Variants in NTN1 observed in about 807,000 individuals in gnomAD.
NTN1 encodes the protein netrin-1.
NTN1 carries 11 observed loss-of-function variants against 54.2 expected under a neutral mutation model. The ratio of observed to expected loss-of-function variants is 0.20; its 90% confidence interval spans 0.13 to 0.34. The LOEUF is 0.34. Ranked by LOEUF, NTN1 falls within the 10% of genes least tolerant of loss-of-function variation. The pLI is 1.00. For missense variants in NTN1, 740 were observed against 893.1 expected (o/e 0.83, Z 2.18); for synonymous variants, 371 against 382.0 (o/e 0.97, Z 0.33).
At chr17:9,101,613 G>T (rs181369740) in intron 2 of NTN1, among the ~76,000 whole-genome samples, 111 of 152,312 alleles carry the variant, frequency 7.3e-4, no homozygotes, top group African/African-American at 2.5e-3. Flanking sequence ...GGTGAGTGGG[G>T]ATTTTAGCCT....
At chr17:9,233,639 C>G (rs141561943) in intron 6 of NTN1, among the ~76,000 whole-genome samples, 1 of 152,086 alleles carries the variant, frequency 6.6e-6, no homozygotes, top group African/African-American at 2.4e-5. Flanking sequence ...TGCTCCAAGT[C>G]CCCCTCTGGA....
intron 2 of NTN1, among the ~76,000 whole-genome samples, chr17:9,111,456 T>G (rs1363841000): frequency 6.6e-6 from 1 of 151,616 alleles, no homozygotes. Flanking sequence ...GTGAAGGGGG[T>G]GTCAAGGAAG....
intron 2 of NTN1, among the ~76,000 whole-genome samples, chr17:9,144,639 A>G (rs2092307940): frequency 6.6e-6 from 1 of 152,188 alleles, no homozygotes; most frequent in South Asian, 2.1e-4. Flanking sequence ...TGAATAGCAA[A>G]GTGGACAAGG....
At chr17:9,190,075 C>T (rs140772329) in intron 5 of NTN1, among the ~76,000 whole-genome samples, 126 of 152,308 alleles carry the variant, frequency 8.3e-4, no homozygotes, top group African/African-American at 2.7e-3. Flanking sequence ...AAACAATTAA[C>T]GTACAAAGGT....
At chr17:9,131,170 T>G (rs1244900041) in intron 2 of NTN1, among the ~76,000 whole-genome samples, 5 of 152,178 alleles carry the variant, frequency 3.3e-5, no homozygotes, top group Middle Eastern at 3.2e-3. Flanking sequence ...TTTAAGTTCT[T>G]TACCTTCATG....
At chr17:9,130,348 C>T (rs1233044022) in intron 2 of NTN1, among the ~76,000 whole-genome samples, 3 of 152,110 alleles carry the variant, frequency 2.0e-5, no homozygotes, top group African/African-American at 4.8e-5. Flanking sequence ...GCAGGAGTCC[C>T]GTGCCTTGCT....
the NTN1 span, among the ~76,000 whole-genome samples, chr17:9,013,216 CTTT>C: frequency 6.7e-5 from 8 of 118,712 alleles, no homozygotes; most frequent in East Asian, 2.4e-4. Flanking sequence ...TTTTCTTTTT[CTTT>C]TTTTTTTTTT....
intron 2 of NTN1, among the ~76,000 whole-genome samples, chr17:9,112,351 A>G (rs1395796226): frequency 6.6e-6 from 1 of 152,212 alleles, no homozygotes; most frequent in Non-Finnish European, 1.5e-5. Flanking sequence ...TGTAACCCCA[A>G]AATAAATACT....
intron 6 of NTN1, among the ~76,000 whole-genome samples, chr17:9,225,089 C>A (rs765506867): frequency 1.3e-5 from 2 of 152,000 alleles, no homozygotes; most frequent in African/African-American, 4.8e-5. Context: ...AGTGAAACCC[C>A]GTCTCTATTA....
In NTN1 at chr17:9,022,280, C is replaced by T; in HGVS notation, c.-63-31C>T. ...CGAGAGCTGGAGGGCGCGGGGCGGG[C>T]TGGCTGAGCGCAGCTCCCTTCTCTC... On this transcript the variant is annotated intron_variant, in intron 1 of 6. Coordinates refer to ENST00000173229, the MANE Select transcript of NTN1 (RefSeq NM_004822.3). 4 of 1,213,334 alleles carry T rather than the reference C, an allele frequency of 3.3e-6. No homozygotes were observed. The Admixed American group carries it at 1.7e-4, about 52-fold the overall frequency. 75.2% of individuals were successfully genotyped at this position (1,213,334 alleles called of 1,614,324 possible).
intron 2 of NTN1, among the ~76,000 whole-genome samples, chr17:9,153,738 G>A (rs1023795845): frequency 1.1e-4 from 16 of 152,182 alleles, no homozygotes; most frequent in Non-Finnish European, 1.8e-4. Context: ...CAACGAACGG[G>A]CAGTCAGGTA....
At chr17:9,183,444 T>C in intron 5 of NTN1, 1 of 399,054 alleles carries the variant, frequency 2.5e-6, no homozygotes. Context: ...ACTAAAAATT[T>C]AGCATTTCCT....
chr17:9,057,261 T>A (rs573606998), intron 2 of NTN1, among the ~76,000 whole-genome samples: 2 of 151,168 alleles, frequency 1.3e-5, no homozygotes, highest in East Asian at 4.0e-4. Flanking sequence ...GGGACCAACA[T>A]GTACAGCATT....
At chr17:9,136,954 G>GGT (rs528800655) in intron 2 of NTN1, among the ~76,000 whole-genome samples, 102 of 152,220 alleles carry the variant, frequency 6.7e-4, no homozygotes, top group African/African-American at 2.2e-3. Context: ...CACAAAAAGG[G>GGT]GTGTGTGTGG....
At chr17:9,118,375 G>A (rs148954153) in intron 2 of NTN1, among the ~76,000 whole-genome samples, 135 of 152,114 alleles carry the variant, frequency 8.9e-4, no homozygotes, top group South Asian at 4.8e-3. Flanking sequence ...AAAATTAACC[G>A]GGCGTGGTGG....
Position 9,193,920 on chromosome 17 carries a change from TAAAAAAA to T in NTN1, c.1411+10969_1411+10975del, listed in dbSNP as rs71361871. Among the ~76,000 whole-genome samples, 98 of 44,902 alleles carry T rather than the reference TAAAAAAA, an allele frequency of 2.2e-3. 4 individuals carry two copies. The East Asian group carries it at 0.031, about 14-fold the overall frequency. 29.5% of individuals were successfully genotyped at this position (44,902 alleles called of 152,430 possible). A position where few individuals can be genotyped will look rare whatever the true frequency, so the allele number is the denominator to read the frequency against. ...TGGGCGACAAGAGTGAAACTCCGAC[TAAAAAAA>T]AAAAAAAAAAAAAAAAACATTATGC... On this transcript the variant is annotated intron_variant, in intron 5 of 6. Coordinates refer to ENST00000173229, the MANE Select transcript of NTN1 (RefSeq NM_004822.3).
At chr17:9,204,823 A>G (rs1291164960) in intron 5 of NTN1, among the ~76,000 whole-genome samples, 1 of 152,110 alleles carries the variant, frequency 6.6e-6, no homozygotes, top group Non-Finnish European at 1.5e-5. Context: ...GGGCCCCATT[A>G]GGGTGCTGTG....
At chr17:9,063,203 T>C (rs2092004432) in intron 2 of NTN1, among the ~76,000 whole-genome samples, 1 of 151,970 alleles carries the variant, frequency 6.6e-6, no homozygotes, top group South Asian at 2.1e-4. Context: ...TTCAAGTGAT[T>C]ATCCTGCCTC....
At chr17:9,089,667 A>G (rs1232653144) in intron 2 of NTN1, among the ~76,000 whole-genome samples, 1 of 152,086 alleles carries the variant, frequency 6.6e-6, no homozygotes, top group Non-Finnish European at 1.5e-5. Flanking sequence ...TGCAAAAACC[A>G]CCTTGAACGT....
Sources: gnomAD v4.1 joint callset for allele counts (sites outside exome capture counted in the v4.1 genomes callset) on GRCh38, gnomAD v4.1.1 for gene constraint, MANE v1.5 for transcripts, NCBI Gene and HGNC (gene_info 2026-07-23, HGNC 2026-07-21) for gene names.